ITGAE: variants seen among roughly 807,000 people sequenced by gnomAD.
ITGAE encodes the protein integrin alpha-E.
Under a neutral mutation model 136.5 loss-of-function variants are expected in ITGAE, and 99 were observed. The observed-to-expected ratio is 0.73, with a 90% CI of 0.62 to 0.86. The LOEUF is 0.86. ITGAE is among the 40% of genes least tolerant of loss of function. ITGAE has a pLI of 0.00. For missense variants in ITGAE, 1,447 were observed against 1,515.3 expected (o/e 0.95, Z 0.75); for synonymous variants, 613 against 591.8 (o/e 1.04, Z -0.52).
chr17:3,719,723 TTTTA>T (rs937934239), intron 29 of ITGAE, among the ~76,000 whole-genome samples: 56 of 151,748 alleles, frequency 3.7e-4, no homozygotes, highest in African/African-American at 1.3e-3. Flanking sequence ...GTAATTCATT[TTTTA>T]TTTATTTATT....
intron 26 of ITGAE, chr17:3,726,607 C>T (rs763631141): frequency 3.5e-5 from 14 of 402,248 alleles, no homozygotes; most frequent in Middle Eastern, 6.7e-4. Flanking sequence ...GCAGGAGGAT[C>T]GCTTGAGCCC....
chr17:3,754,814 G>A, intron 12 of ITGAE: 1 of 388,056 alleles, frequency 2.6e-6, no homozygotes, highest in South Asian at 3.0e-5. Context: ...CACCCAGGTG[G>A]TCTCCAGGCC....
In ITGAE at chr17:3,761,191, C is replaced by G. The variant is rs1209772555; in HGVS notation, c.434-14G>C. On this transcript the variant is annotated splice_polypyrimidine_tract_variant and intron_variant, in intron 5 of 30. Coordinates refer to ENST00000263087, the MANE Select transcript of ITGAE (RefSeq NM_002208.5). ...CCAGGAGATTTTCTTTAAAAACACA[C>G]ATGGAAGAGCTCAGAGTCAGAAAGG... 2.5e-6 allele frequency: 4 copies of G among 1,605,426 alleles called. No homozygotes were observed. The South Asian group carries it at 4.4e-5, about 18-fold the overall frequency.
chr17:3,784,130 G>A (rs556764450), intron 1 of ITGAE, among the ~76,000 whole-genome samples: 157 of 152,040 alleles, frequency 1.0e-3, no homozygotes, highest in Admixed American at 2.2e-3. Context: ...CGTGGTGGCG[G>A]GCGCCTGTAG....
In ITGAE at chr17:3,714,937, G is replaced by A; in HGVS notation, c.3450C>T (p.Gly1150=). 2 of 1,593,826 alleles carry A rather than the reference G, an allele frequency of 1.3e-6. No individual in the cohort carries two copies. Among genetic ancestry groups the A allele is most frequent in the Non-Finnish European group, 1.7e-6 (2 of 1,167,264 alleles). Residue 1150 remains glycine, a synonymous_variant, in exon 31 of 31, where the codon GGC becomes GGT. Transcript: ENST00000263087. The part of the protein sequence containing the change: ...IVILVILFKC[G]FFKRKYQQLN... The stretch of plus-strand genomic sequence containing the variant: ...GTTGTTGATATTTTCTTTTAAAAAA[G>A]CCACACTGAAACAAAGGAAGGAAAA...
intron 1 of ITGAE, among the ~76,000 whole-genome samples, chr17:3,782,891 C>G (rs2052697684): frequency 6.6e-6 from 1 of 152,094 alleles, no homozygotes; most frequent in Non-Finnish European, 1.5e-5. Context: ...ACACACTCAC[C>G]CATTTACTTA....
In ITGAE at chr17:3,753,944, G is replaced by A. The variant is rs770648654; in HGVS notation, c.1385-19C>T. The A allele has an allele frequency of 6.2e-7, 1 of 1,610,338 alleles. No individual in the cohort carries two copies. Among genetic ancestry groups the A allele is most frequent in the East Asian group, 2.2e-5 (1 of 44,834 alleles). ...GCGTAACCTGGGGCAAGGGTGGTGT[G>A]GCTGTGAACACACCGTGTGCTCCCA... is the stretch of plus-strand genomic sequence containing the variant. On this transcript the variant is annotated intron_variant, in intron 12 of 30. Coordinates refer to ENST00000263087, the MANE Select transcript of ITGAE (RefSeq NM_002208.5).
chr17:3,734,913 G>T lies in ITGAE; in HGVS notation c.2559C>A (p.Thr853=). ...ELVVGLTKEL[T]LNINLTNSGE... Reference sequence around the variant, plus strand: ...CGGAGTTAGTTAGGTTAATGTTCAGGGTCAGCTCCTTTGTGAGACCCACCA... The same window carrying T: ...CGGAGTTAGTTAGGTTAATGTTCAGTGTCAGCTCCTTTGTGAGACCCACCA... Residue 853 remains threonine, a synonymous_variant, in exon 21 of 31, where the codon ACC becomes ACA. Transcript: ENST00000263087. 6.2e-7 allele frequency: 1 copy of T among 1,614,146 alleles called. No homozygotes were observed. The highest frequency in any genetic ancestry group is 8.5e-7 in the Non-Finnish European group (1 of 1,180,024).
chr17:3,769,718 C>G (rs1313185600), intron 2 of ITGAE, among the ~76,000 whole-genome samples: 1 of 152,242 alleles, frequency 6.6e-6, no homozygotes, highest in Non-Finnish European at 1.5e-5. Context: ...GAGTCTCACT[C>G]TGTCTCCCAG....
At position 3,795,989 on chromosome 17, in the gene ITGAE, CTG is replaced by C. The variant is rs71155806; in HGVS notation, c.34+5120_34+5121del. On this transcript the variant is annotated intron_variant, in intron 1 of 30. Transcript: ENST00000263087. ...TGCGTGTGTGCATCCGTGTGTGCATCTGTGTGTGCATCCGTGTGTGCATCCAT... is the reference window on the plus strand; with the variant it reads ...TGCGTGTGTGCATCCGTGTGTGCATCTGTGTGCATCCGTGTGTGCATCCAT... Among the ~76,000 whole-genome samples the C allele has an allele frequency of 4.2e-4, 54 of 127,196 alleles. 1 individual carries two copies. The highest frequency in any genetic ancestry group is 1.2e-3 in the African/African-American group (37 of 32,130). The allele number at this position is 127,196 out of a possible 152,430, so 83.4% of individuals were successfully genotyped here. A position where few individuals can be genotyped will look rare whatever the true frequency, so the allele number is the denominator to read the frequency against.
At chr17:3,792,215 G>C (rs1009973961) in intron 1 of ITGAE, among the ~76,000 whole-genome samples, 3 of 152,124 alleles carry the variant, frequency 2.0e-5, no homozygotes, top group African/African-American at 7.2e-5. Context: ...TCTGCCTCCC[G>C]GGTTCAAGCG....
At position 3,725,992 on chromosome 17, in the gene ITGAE, T is replaced by C. The variant is rs1453362576; in HGVS notation, c.3084+1927A>G. The C allele has an allele frequency of 3.7e-6, 6 of 1,613,946 alleles. No homozygotes were observed. In the Middle Eastern group the frequency reaches 6.6e-4, roughly 177 times the overall value. On this transcript the variant is annotated intron_variant, in intron 26 of 30. Coordinates refer to ENST00000263087, the MANE Select transcript of ITGAE (RefSeq NM_002208.5). Reference sequence around the variant, plus strand: ...AGCTGTGGGTTGCAAGTGAGCATCATTGACTACACCCTGTCGCGCTTGGAA... The same window carrying C: ...AGCTGTGGGTTGCAAGTGAGCATCACTGACTACACCCTGTCGCGCTTGGAA...
intron 20 of ITGAE, 114 bp from the exon 21 acceptor site, chr17:3,735,063 G>A (rs1260454433): frequency 5.1e-6 from 6 of 1,165,592 alleles, no homozygotes; most frequent in African/African-American, 4.5e-5. Context: ...CAATGATCAC[G>A]GCTCACCGCA....
At chr17:3,784,381 C>T (rs112490878) in intron 1 of ITGAE, 2 of 294,896 alleles carry the variant, frequency 6.8e-6, no homozygotes, top group Non-Finnish European at 1.3e-5. Flanking sequence ...CTGTACCCAA[C>T]AATGGAAAAA....
intron 1 of ITGAE, among the ~76,000 whole-genome samples, chr17:3,800,476 C>T (rs984521217): frequency 6.6e-6 from 1 of 152,190 alleles, no homozygotes; most frequent in Admixed American, 6.5e-5. Flanking sequence ...TCACAGGGGG[C>T]CCCCGAAAGG....
chr17:3,796,604 C>A (rs1034991094), intron 1 of ITGAE, among the ~76,000 whole-genome samples: 1 of 152,092 alleles, frequency 6.6e-6, no homozygotes, highest in African/African-American at 2.4e-5. Flanking sequence ...TCCCAATCCC[C>A]CCTCCCGTGT....
At chr17:3,750,695 A>G (rs960812988) in intron 15 of ITGAE, among the ~76,000 whole-genome samples, 5 of 151,994 alleles carry the variant, frequency 3.3e-5, no homozygotes, top group African/African-American at 9.7e-5. Flanking sequence ...AGGGGAGAGT[A>G]AGGGAAAGAG....
At chr17:3,748,585 TCAACAA>T (rs112073752) in intron 16 of ITGAE, among the ~76,000 whole-genome samples, 1 of 152,078 alleles carries the variant, frequency 6.6e-6, no homozygotes, top group African/African-American at 2.4e-5. Context: ...AGACTCCATC[TCAACAA>T]CAACAACAAA....
intron 2 of ITGAE, among the ~76,000 whole-genome samples, chr17:3,768,153 C>T (rs1483717577): frequency 6.6e-6 from 1 of 151,842 alleles, no homozygotes; most frequent in East Asian, 1.9e-4. Context: ...AAGACAGAGT[C>T]TCCTTCTGTC....
Sources: gnomAD v4.1 joint callset for allele counts (sites outside exome capture counted in the v4.1 genomes callset) on GRCh38, gnomAD v4.1.1 for gene constraint, MANE v1.5 for transcripts, NCBI Gene and HGNC (gene_info 2026-07-23, HGNC 2026-07-21) for gene names.